The following MARCHF10 variants were observed in gnomAD, a reference collection of about 807,000 sequenced individuals.
MARCHF10 encodes probable E3 ubiquitin-protein ligase MARCHF10.
Under a neutral mutation model 76.2 loss-of-function variants are expected in MARCHF10, and 64 were observed. That is an observed-to-expected ratio of 0.84 (90% CI 0.69 to 1.03). The LOEUF is 1.03. Ranked by LOEUF, MARCHF10 falls within the 50% of genes least tolerant of loss-of-function variation. MARCHF10 has a pLI of 0.00. For synonymous variants in MARCHF10, 340 were observed against 357.5 expected, an observed-to-expected ratio of 0.95 and a Z score of 0.55; for missense variants, 875 against 958.0, an observed-to-expected ratio of 0.91 and a Z score of 1.14.
intron 3 of MARCHF10, among the ~76,000 whole-genome samples, chr17:62,764,243 T>C (rs2092276991): frequency 6.6e-6 from 1 of 152,148 alleles, no homozygotes. Context: ...TTCAAGTTAT[T>C]TTCCAACTAT....
At chr17:62,718,855 T>C (rs1030037626) in intron 8 of MARCHF10, among the ~76,000 whole-genome samples, 2 of 152,258 alleles carry the variant, frequency 1.3e-5, no homozygotes, top group East Asian at 1.9e-4. Flanking sequence ...CTCCCTTCTC[T>C]TCCTCTCTTC....
At chr17:62,701,899 G>C (rs1300654642) in intron 10 of MARCHF10, 141 bp from the exon 11 acceptor site, 9 of 1,114,428 alleles carry the variant, frequency 8.1e-6, no homozygotes, top group South Asian at 1.3e-5. Context: ...GCCTGGAACC[G>C]TGTGGGGAAC....
At chr17:62,756,113 T>A (rs1429781271) in intron 4 of MARCHF10, among the ~76,000 whole-genome samples, 1 of 152,082 alleles carries the variant, frequency 6.6e-6, no homozygotes, top group East Asian at 1.9e-4. Flanking sequence ...CTGGGCATGG[T>A]GGCGCATGTC....
chr17:62,705,049 C>T, intron 10 of MARCHF10: 2 of 1,003,646 alleles, frequency 2.0e-6, no homozygotes, highest in Non-Finnish European at 2.4e-6. Context: ...TCTTGGGAGA[C>T]CTGTTTGCTT....
intron 10 of MARCHF10, chr17:62,705,115 G>A (rs997173643): frequency 1.8e-6 from 2 of 1,105,384 alleles, no homozygotes; most frequent in Non-Finnish European, 2.2e-6. Context: ...TAGCTTGTGA[G>A]TGAATGTGGT....
chr17:62,802,902 T>A (rs1001790845), intron 1 of MARCHF10, among the ~76,000 whole-genome samples: 1 of 152,190 alleles, frequency 6.6e-6, no homozygotes, highest in Non-Finnish European at 1.5e-5. Flanking sequence ...CATGGGAAAC[T>A]CCTGAAAGCT....
rs1176075105 is a variant in MARCHF10 at position 62,783,344 on chromosome 17, C to T, written c.210+5136G>A. Among the ~76,000 whole-genome samples, 3 of 151,790 alleles carry T rather than the reference C, an allele frequency of 2.0e-5. No homozygotes were observed. The East Asian group carries it at 5.8e-4, about 29-fold the overall frequency. ...TGAAACCAATGAGAACAAAGACACACCGTACCAGAATCTCTGGGACACATT... is the reference window on the plus strand; with the variant it reads ...TGAAACCAATGAGAACAAAGACACATCGTACCAGAATCTCTGGGACACATT... On this transcript the variant is annotated intron_variant, in intron 3 of 10. Transcript: ENST00000311269.
chr17:62,726,512 G>A (rs192938482), intron 6 of MARCHF10, among the ~76,000 whole-genome samples: 9 of 152,316 alleles, frequency 5.9e-5, no homozygotes, highest in South Asian at 4.1e-4. Context: ...CCATATTTTC[G>A]TAAGTAATCA....
intron 10 of MARCHF10, among the ~76,000 whole-genome samples, chr17:62,704,656 C>G (rs1408659209): frequency 6.6e-6 from 1 of 152,254 alleles, no homozygotes. Flanking sequence ...GGTGTGAACA[C>G]GATTCCAGGG....
intron 3 of MARCHF10, among the ~76,000 whole-genome samples, chr17:62,779,868 G>T (rs57065401): frequency 0.044 from 6,644 of 152,258 alleles, 482 homozygotes; most frequent in African/African-American, 0.15. Flanking sequence ...AGGCCGAGGC[G>T]GGTGGATCAC....
chr17:62,802,429 G>C (rs758649586), intron 1 of MARCHF10, among the ~76,000 whole-genome samples: 27 of 151,958 alleles, frequency 1.8e-4, no homozygotes, highest in Admixed American at 3.3e-4. Context: ...CGTGTTGGCC[G>C]GGCTGGTCTC....
intron 3 of MARCHF10, among the ~76,000 whole-genome samples, chr17:62,779,496 C>T (rs929869055): frequency 7.9e-5 from 12 of 152,016 alleles, no homozygotes; most frequent in African/African-American, 2.4e-4. Context: ...TTCACGGACA[C>T]GATAGGATGA....
At chr17:62,792,178 C>G (rs2092856195) in intron 2 of MARCHF10, among the ~76,000 whole-genome samples, 1 of 151,946 alleles carries the variant, frequency 6.6e-6, no homozygotes, top group African/African-American at 2.4e-5. Context: ...GTCGGGCTGC[C>G]TTTTGTACAG....
At chr17:62,762,077 T>C (rs1296210911) in intron 3 of MARCHF10, among the ~76,000 whole-genome samples, 1 of 152,106 alleles carries the variant, frequency 6.6e-6, no homozygotes, top group Non-Finnish European at 1.5e-5. Context: ...GCTCAGCTCA[T>C]CTTCGCGGAT....
chr17:62,792,707 TACAACCATCACCACCACCACCACCATC>T (rs2092872905), intron 2 of MARCHF10, among the ~76,000 whole-genome samples: 1 of 57,174 alleles, frequency 1.7e-5, no homozygotes, highest in African/African-American at 6.6e-5. Flanking sequence ...CCTCCATCAC[TACAACCATCACCACCACCACCACCATC>T]ACCACCACCA....
chr17:62,783,020 A>G (rs1294552295), intron 3 of MARCHF10, among the ~76,000 whole-genome samples: 1 of 152,164 alleles, frequency 6.6e-6, no homozygotes, highest in Non-Finnish European at 1.5e-5. Flanking sequence ...TCAGTAGAGA[A>G]GATGAGGCCT....
chr17:62,773,820 G>A (rs866557593), intron 3 of MARCHF10, among the ~76,000 whole-genome samples: 8 of 152,208 alleles, frequency 5.3e-5, no homozygotes, highest in Admixed American at 2.0e-4. Context: ...CCAAAGAAGC[G>A]GGGCAGCACT....
At chr17:62,763,998 C>T (rs2092270467) in intron 3 of MARCHF10, among the ~76,000 whole-genome samples, 1 of 152,130 alleles carries the variant, frequency 6.6e-6, no homozygotes, top group Non-Finnish European at 1.5e-5. Context: ...AGAGAAGGAA[C>T]TTAACTGGGT....
intron 3 of MARCHF10, among the ~76,000 whole-genome samples, chr17:62,776,385 G>A (rs1197812814): frequency 2.0e-5 from 3 of 152,164 alleles, no homozygotes; most frequent in Admixed American, 2.0e-4. Flanking sequence ...CTCGTGCAAG[G>A]ACGAGGCTGT....
Sources: gnomAD v4.1 joint callset for allele counts (sites outside exome capture counted in the v4.1 genomes callset) on GRCh38, gnomAD v4.1.1 for gene constraint, MANE v1.5 for transcripts, NCBI Gene and HGNC (gene_info 2026-07-23, HGNC 2026-07-21) for gene names.